Variants in PTPRK observed in about 807,000 individuals in gnomAD.
PTPRK encodes the protein receptor-type tyrosine-protein phosphatase kappa.
In PTPRK, 75 loss-of-function variants were observed where a neutral mutation model predicts 178.0. The ratio of observed to expected loss-of-function variants is 0.42; its 90% CI spans 0.35 to 0.51. The LOEUF is 0.51. Ranked by LOEUF, PTPRK falls within the 20% of genes least tolerant of loss-of-function variation. PTPRK has a pLI of 0.02. For synonymous variants in PTPRK, 637 were observed against 620.6 expected (o/e 1.03, Z -0.39); for missense variants, 1,441 against 1,797.8 (o/e 0.80, Z 3.59).
In PTPRK at chr6:127,973,701, A is replaced by G; in HGVS notation, c.4096T>C (p.Cys1366Arg). Reference protein sequence around the residue: ...ILQVEKWQEECEEGEGRTIIH... With the variant: ...ILQVEKWQEEREEGEGRTIIH... ...ATCGTCCGGCCTTCCCCTTCCTCGC[A>G]TTCCTCCTGCCACTTTTCCACCTGA... The change falls in exon 28 of 30, where the codon TGC becomes CGC. Residue 1366 changes from cysteine (C) to arginine (R), a missense_variant. Transcript: ENST00000368226. 1 of 1,613,878 alleles carries G rather than the reference A, an allele frequency of 6.2e-7. No individual in the cohort carries two copies. Among genetic ancestry groups the G allele is most frequent in the Non-Finnish European group, 8.5e-7 (1 of 1,179,936 alleles).
chr6:127,997,585 A>G (rs1323447714), intron 16 of PTPRK, among the ~76,000 whole-genome samples: 2 of 152,110 alleles, frequency 1.3e-5, no homozygotes, highest in African/African-American at 4.8e-5. Context: ...CAGCAATTTA[A>G]AACGGGTGTA....
At chr6:128,199,902 G>T (rs1805605548) in intron 6 of PTPRK, among the ~76,000 whole-genome samples, 1 of 152,178 alleles carries the variant, frequency 6.6e-6, no homozygotes, top group South Asian at 2.1e-4. Flanking sequence ...ATAGCCATCT[G>T]CAAAAGTTTA....
At chr6:128,255,192 T>A (rs969348789) in intron 3 of PTPRK, among the ~76,000 whole-genome samples, 1 of 152,208 alleles carries the variant, frequency 6.6e-6, no homozygotes, top group East Asian at 1.9e-4. Context: ...GGTTTCACCA[T>A]GTTGGCCAGG....
intron 6 of PTPRK, among the ~76,000 whole-genome samples, chr6:128,201,010 G>A (rs1805844323): frequency 6.6e-6 from 1 of 151,570 alleles, no homozygotes. Context: ...CTACCTTACT[G>A]AGCCTACCCT....
intron 3 of PTPRK, among the ~76,000 whole-genome samples, chr6:128,258,845 T>C (rs1292806096): frequency 6.6e-6 from 1 of 152,198 alleles, no homozygotes; most frequent in Non-Finnish European, 1.5e-5. Flanking sequence ...CGAATGATCT[T>C]GGAGCATTCC....
intron 21 of PTPRK, among the ~76,000 whole-genome samples, chr6:127,986,472 A>G (rs1470044116): frequency 6.6e-6 from 1 of 152,202 alleles, no homozygotes; most frequent in Non-Finnish European, 1.5e-5. Context: ...TATTTATAGT[A>G]ACAAAAATAC....
intron 1 of PTPRK, among the ~76,000 whole-genome samples, chr6:128,500,087 C>T (rs951245653): frequency 1.3e-5 from 2 of 152,172 alleles, no homozygotes; most frequent in Non-Finnish European, 2.9e-5. Context: ...TCAGGCAAGA[C>T]ATGTAAATGG....
chr6:128,164,266 A>G (rs1227894429), intron 7 of PTPRK, among the ~76,000 whole-genome samples: 24 of 151,502 alleles, frequency 1.6e-4, no homozygotes, highest in Admixed American at 1.6e-3. Flanking sequence ...ATTCAAGTTC[A>G]GAAGTATAGC....
At chr6:128,244,816 G>C (rs1815157186) in intron 3 of PTPRK, among the ~76,000 whole-genome samples, 1 of 152,146 alleles carries the variant, frequency 6.6e-6, no homozygotes, top group African/African-American at 2.4e-5. Flanking sequence ...TGCAGAAATA[G>C]AACAACAACT....
At chr6:128,074,179 T>C (rs1783345594) in intron 11 of PTPRK, among the ~76,000 whole-genome samples, 1 of 152,066 alleles carries the variant, frequency 6.6e-6, no homozygotes, top group Admixed American at 6.6e-5. Flanking sequence ...TGTTATGAAA[T>C]GCAAATTAGA....
chr6:128,187,412 G>A (rs1802964112), intron 6 of PTPRK, among the ~76,000 whole-genome samples: 1 of 152,100 alleles, frequency 6.6e-6, no homozygotes, highest in Non-Finnish European at 1.5e-5. Context: ...ATTAATAGCT[G>A]TGTAATCTTA....
rs1435476351 is a variant in PTPRK, at chr6:128,467,191, G to A, written c.100+53068C>T. Among the ~76,000 whole-genome samples the A allele has an allele frequency of 2.0e-5, 3 of 152,124 alleles. 1 individual carries two copies. Among genetic ancestry groups the A allele is most frequent in the South Asian group, 4.2e-4 (2 of 4,812 alleles). On this transcript the variant is annotated intron_variant, in intron 1 of 29. Coordinates refer to ENST00000368226, the MANE Select transcript of PTPRK (RefSeq NM_002844.4). ...ATTTTTTTGTATTTTTTGTATAGAC[G>A]GGGTTTTGCCACGTTGCCCAGGCTG... is the stretch of plus-strand genomic sequence containing the variant.
At chr6:128,157,384 AT>A (rs139444720) in intron 7 of PTPRK, among the ~76,000 whole-genome samples, 3,321 of 152,086 alleles carry the variant, frequency 0.022, 101 homozygotes, top group African/African-American at 0.046. Context: ...TTAAACATAT[AT>A]TTATATCAGT....
At chr6:128,368,323 C>T (rs1584389905) in intron 2 of PTPRK, among the ~76,000 whole-genome samples, 1 of 151,238 alleles carries the variant, frequency 6.6e-6, no homozygotes, top group East Asian at 1.9e-4. Context: ...AAACAAAATC[C>T]ATTCATGTAA....
chr6:128,239,791 G>C (rs1274433692), intron 5 of PTPRK, among the ~76,000 whole-genome samples: 1 of 152,192 alleles, frequency 6.6e-6, no homozygotes, highest in Non-Finnish European at 1.5e-5. Flanking sequence ...ATAACAGAGA[G>C]AATTGTGTTT....
chr6:128,019,921 T>C (rs1416674217), intron 13 of PTPRK, among the ~76,000 whole-genome samples: 1 of 152,144 alleles, frequency 6.6e-6, no homozygotes, highest in South Asian at 2.1e-4. Context: ...GTTGAGGAAC[T>C]GTATCATCTC....
chr6:128,344,456 CTGTATGCAGCCTGA>C (rs1253136624), intron 2 of PTPRK, among the ~76,000 whole-genome samples: 1 of 152,092 alleles, frequency 6.6e-6, no homozygotes, highest in Non-Finnish European at 1.5e-5. Context: ...TACAATCAGG[CTGTATGCAGCCTGA>C]TTCAACAAAA....
chr6:128,072,123 T>C (rs1782930798), intron 11 of PTPRK, among the ~76,000 whole-genome samples: 2 of 152,032 alleles, frequency 1.3e-5, no homozygotes, highest in African/African-American at 2.4e-5. Flanking sequence ...TTAATCACTC[T>C]ACCCATAGTT....
chr6:128,240,091 T>G lies in PTPRK; in HGVS notation c.637A>C (p.Thr213Pro). Reference sequence around the variant, plus strand: ...CTCCCTGTGGCAATGCACTGAAATGTAGCGTTTTGCCCTGCATTCACCTCT... The same window carrying G: ...CTCCCTGTGGCAATGCACTGAAATGGAGCGTTTTGCCCTGCATTCACCTCT... The part of the protein sequence containing the change: ...DVEVNAGQNA[T>P]FQCIATGRDA... The change falls in exon 5 of 30, where the codon ACA becomes CCA. Residue 213 changes from threonine to proline, a missense_variant. Thr to Pro is a conservative substitution (Grantham distance 38). Coordinates refer to ENST00000368226, the MANE Select transcript of PTPRK (RefSeq NM_002844.4). The G allele has an allele frequency of 6.2e-7, 1 of 1,614,134 alleles. No individual in the cohort carries two copies.
Sources: gnomAD v4.1 joint callset for allele counts (sites outside exome capture counted in the v4.1 genomes callset) on GRCh38, gnomAD v4.1.1 for gene constraint, MANE v1.5 for transcripts, NCBI Gene and HGNC (gene_info 2026-07-23, HGNC 2026-07-21) for gene names.